The following CHD7 variants were observed in gnomAD, a reference collection of about 807,000 sequenced individuals.
The protein encoded by CHD7 is chromodomain helicase DNA binding protein 7.
In CHD7, 24 loss-of-function variants were observed where a neutral mutation model predicts 307.3. The observed-to-expected ratio is 0.08, with a 90% CI of 0.06 to 0.11. CHD7 has a LOEUF of 0.11. Among genes scored for constraint, CHD7 ranks in the 10% least tolerant of loss-of-function variants. CHD7 has a pLI of 1.00. For missense variants in CHD7, 3,106 were observed against 3,727.1 expected (o/e 0.83, Z 4.34); for synonymous variants, 1,363 against 1,349.9 (o/e 1.01, Z -0.21).
chr8:60,822,785 T>C lies in CHD7; in HGVS notation c.3201+39T>C, dbSNP rs753522017. The C allele has an allele frequency of 3.3e-6, 5 of 1,501,406 alleles. No homozygotes were observed. The South Asian group carries it at 7.2e-5, about 21-fold the overall frequency. The allele number at this position is 1,501,406 out of a possible 1,614,324, so 93.0% of individuals were successfully genotyped here. A position where few individuals can be genotyped will look rare whatever the true frequency, so the allele number is the denominator to read the frequency against. On this transcript the variant is annotated intron_variant, in intron 12 of 37. Coordinates refer to ENST00000423902, the MANE Select transcript of CHD7 (RefSeq NM_017780.4). ...GGTTGTATTCTTTGTACTTACTCTG[T>C]GCATTTTAAGGTGTTAAAAAAAAAT...
chr8:60,703,724 CT>C (rs1806880679), intron 1 of CHD7, among the ~76,000 whole-genome samples: 1 of 152,212 alleles, frequency 6.6e-6, no homozygotes, highest in South Asian at 2.1e-4. Context: ...TTGGCAGCTG[CT>C]TTGGATTTTA....
At position 60,865,355 on chromosome 8, in the gene CHD7, C is replaced by G. The variant is rs45521933; in HGVS notation, c.8416C>G (p.Leu2806Val). The G allele has an allele frequency of 7.7e-4, 1,245 of 1,611,326 alleles. 3 individuals are homozygous for G. The Middle Eastern group carries it at 7.8e-3, about 10-fold the overall frequency. ...CCTGATGCTGCCAGGAATGGCGGGC[C>G]TGCCCAACGTGTTTGGCTTGGGCGG... The part of the protein sequence containing the change: ...LPLMLPGMAG[L>V]PNVFGLGGLL... The change falls in exon 38 of 38, where the codon CTG becomes GTG. Residue 2806 changes from leucine (L) to valine (V), a missense_variant. Physicochemically the swap from Leu to Val is conservative, Grantham distance 32 (BLOSUM62 1). Coordinates refer to ENST00000423902, the MANE Select transcript of CHD7 (RefSeq NM_017780.4). This position sits in a 1 kb window ranked among gnomAD's most constrained non-coding sequence, Gnocchi z 4.3.
intron 33 of CHD7, 47 bp from the exon 34 acceptor site, chr8:60,856,398 A>T: frequency 6.6e-7 from 1 of 1,523,088 alleles, no homozygotes; most frequent in Non-Finnish European, 8.8e-7. Flanking sequence ...ATATAGCAGT[A>T]CTGTTTTGGC....
intron 3 of CHD7, among the ~76,000 whole-genome samples, chr8:60,792,318 T>A (rs1416633187): frequency 1.3e-5 from 2 of 152,342 alleles, no homozygotes; most frequent in Non-Finnish European, 2.9e-5. Context: ...TGCAGAATAG[T>A]AGCAAAGGCA....
At position 60,805,381 on chromosome 8, in the gene CHD7, G is replaced by T. The variant is rs149874407; in HGVS notation, c.2443-2836G>T. Among the ~76,000 whole-genome samples the T allele has an allele frequency of 9.8e-5, 15 of 152,300 alleles. No individual in the cohort carries two copies. In the East Asian group the frequency reaches 2.9e-3, roughly 29 times the overall value. The stretch of plus-strand genomic sequence containing the variant: ...TGTGTGGTCCATTAAACAGAACCAA[G>T]TGTTGTATTCTGAAACATCCAAAAG... On this transcript the variant is annotated intron_variant, in intron 6 of 37. Coordinates refer to ENST00000423902, the MANE Select transcript of CHD7 (RefSeq NM_017780.4).
rs532051565 is a variant in CHD7, at chr8:60,867,423, G to T, written c.*1490G>T. The T allele has an allele frequency of 6.6e-6, 1 of 152,236 alleles. No homozygotes were observed. Among genetic ancestry groups the T allele is most frequent in the Non-Finnish European group, 1.5e-5 (1 of 68,052 alleles). 9.4% of individuals were successfully genotyped at this position (152,236 alleles called of 1,614,324 possible). A position where few individuals can be genotyped will look rare whatever the true frequency, so the allele number is the denominator to read the frequency against. On this transcript the variant is annotated 3_prime_UTR_variant, in exon 38 of 38. Transcript: ENST00000423902. ...AATTGAAACAGACCCACTTAAGCACGCACGCGCGCACGCACGGTCTCAGGA... is the reference window on the plus strand; with the variant it reads ...AATTGAAACAGACCCACTTAAGCACTCACGCGCGCACGCACGGTCTCAGGA...
At chr8:60,689,607 G>C (rs937495948) in intron 1 of CHD7, among the ~76,000 whole-genome samples, 21 of 152,276 alleles carry the variant, frequency 1.4e-4, no homozygotes, top group African/African-American at 4.8e-4. Context: ...AGAAGGATAG[G>C]AACAACAAAC....
At chr8:60,864,515 A>T (rs1044151924) in intron 37 of CHD7, 2 of 165,848 alleles carry the variant, frequency 1.2e-5, no homozygotes, top group African/African-American at 4.8e-5. Flanking sequence ...GGTACATGAG[A>T]TATTTTGTAC....
At chr8:60,822,437 G>C in intron 11 of CHD7, 66 bp from the exon 12 acceptor site, 1 of 1,485,666 alleles carries the variant, frequency 6.7e-7, no homozygotes, top group Non-Finnish European at 9.2e-7. Context: ...TATATATTTT[G>C]TGAAATGACA....
At position 60,865,816 on chromosome 8, in the gene CHD7, G is replaced by A; in HGVS notation, c.8877G>A (p.Glu2959=). The change falls in exon 38 of 38, where the codon GAG becomes GAA. Residue 2959 remains glutamate, a synonymous_variant. Coordinates refer to ENST00000423902, the MANE Select transcript of CHD7 (RefSeq NM_017780.4). The surrounding 1 kb of genome is among the most constrained non-coding windows in gnomAD (Gnocchi z 4.3). ...DGETLEGSDA[E]ESLDKTAESS... is the part of the protein sequence containing the mutation. ...AGACCCTTGAAGGCAGCGATGCCGA[G>A]GAGAGCCTGGATAAGACTGCAGAGT... 6.2e-7 allele frequency: 1 copy of A among 1,613,938 alleles called. No individual in the cohort carries two copies. Among genetic ancestry groups the A allele is most frequent in the Non-Finnish European group, 8.5e-7 (1 of 1,179,862 alleles).
intron 3 of CHD7, among the ~76,000 whole-genome samples, chr8:60,793,060 A>G (rs1811848361): frequency 6.6e-6 from 1 of 152,202 alleles, no homozygotes; most frequent in Admixed American, 6.5e-5. Flanking sequence ...GCTGGTTACC[A>G]GGGTAATCTG....
intron 15 of CHD7, among the ~76,000 whole-genome samples, chr8:60,831,033 C>T (rs894633510): frequency 1.3e-5 from 2 of 152,182 alleles, no homozygotes; most frequent in Non-Finnish European, 2.9e-5. Flanking sequence ...AGTCATCTAG[C>T]ACCTCTATCC....
intron 1 of CHD7, among the ~76,000 whole-genome samples, chr8:60,702,886 T>C (rs915991358): frequency 1.3e-5 from 2 of 152,214 alleles, no homozygotes; most frequent in Admixed American, 1.3e-4. Context: ...TATGTTTGCA[T>C]GTGAGAGAGA....
chr8:60,741,516 T>A lies in CHD7; in HGVS notation c.84T>A (p.Gly28=). 6.2e-7 allele frequency: 1 copy of A among 1,613,186 alleles called. No homozygotes were observed. Among genetic ancestry groups the A allele is most frequent in the Non-Finnish European group, 8.5e-7 (1 of 1,179,532 alleles). ...SEGLEGLGEC[G]YPENPVNPMG... is the part of the protein sequence containing the mutation. ...GTCTTGAAGGCCTCGGAGAATGTGG[T>A]TACCCGGAAAATCCAGTAAATCCTA... Residue 28 remains glycine (G), a synonymous_variant, in exon 2 of 38, where the codon GGT becomes GGA. Coordinates refer to ENST00000423902, the MANE Select transcript of CHD7 (RefSeq NM_017780.4).
At chr8:60,820,348 A>G (rs1245820613) in intron 9 of CHD7, among the ~76,000 whole-genome samples, 1 of 152,228 alleles carries the variant, frequency 6.6e-6, no homozygotes, top group African/African-American at 2.4e-5. Context: ...GACATTTTGC[A>G]CAATTCCACA....
chr8:60,745,398 C>T (rs1809273339), intron 2 of CHD7, among the ~76,000 whole-genome samples: 1 of 152,110 alleles, frequency 6.6e-6, no homozygotes, highest in African/African-American at 2.4e-5. Context: ...ACAGATGCCT[C>T]AGTGGGCATT....
intron 1 of CHD7, among the ~76,000 whole-genome samples, chr8:60,719,127 CTA>C (rs1807767864): frequency 6.6e-6 from 1 of 152,224 alleles, no homozygotes; most frequent in African/African-American, 2.4e-5. Flanking sequence ...TGACACATGA[CTA>C]TGTTTACAGG....
At position 60,800,489 on chromosome 8, in the gene CHD7, G is replaced by C; in HGVS notation, c.2340G>C (p.Arg780Ser). Residue 780 changes from arginine to serine, a missense_variant, in exon 5 of 38, where the codon AGG becomes AGC. Around this residue, in one of 10 missense-constraint regions of CHD7, gnomAD observed 998 missense variants for 1,004.5 expected, o/e 0.99. Transcript: ENST00000423902. ...EEADDADAAG[R>S]DSPSNTSQSE... ...CAGATGATGCAGATGCTGCTGGGAG[G>C]GATTCCCCCTCCAACACCTCCCAGT... is the stretch of plus-strand genomic sequence containing the variant. 6.2e-7 allele frequency: 1 copy of C among 1,613,740 alleles called. No homozygotes were observed.
chr8:60,838,636 C>G (rs1002336757), intron 19 of CHD7, among the ~76,000 whole-genome samples: 2 of 152,240 alleles, frequency 1.3e-5, no homozygotes, highest in African/African-American at 4.8e-5. Context: ...CACCTCTTCT[C>G]TATTTTCTTC....
Sources: gnomAD v4.1 joint callset for allele counts (sites outside exome capture counted in the v4.1 genomes callset) on GRCh38, gnomAD v4.1.1 for gene constraint, gnomAD v4.1.1 regional missense constraint, Gnocchi (gnomAD v3.1) non-coding constraint, MANE v1.5 for transcripts, NCBI Gene and HGNC (gene_info 2026-07-23, HGNC 2026-07-21) for gene names.